The following TNNI3K variants were observed in gnomAD, a reference collection of about 807,000 sequenced individuals.
TNNI3K encodes serine/threonine-protein kinase TNNI3K.
A neutral mutation model predicts 114.5 loss-of-function variants in TNNI3K; 140 were observed. The ratio of observed to expected loss-of-function variants is 1.22; its 90% CI spans 1.07 to 1.41. The LOEUF (loss-of-function observed/expected upper bound fraction) is 1.41, where lower values mean the gene tolerates loss of function less well. Among genes scored for constraint, TNNI3K ranks in the 40% most tolerant of loss-of-function variants. TNNI3K has a pLI of 0.00. For missense variants in TNNI3K, 1,125 were observed against 1,007.6 expected (o/e 1.12, Z -1.58); for synonymous variants, 347 against 347.5 (o/e 1.00, Z 0.02).
intron 23 of TNNI3K, among the ~76,000 whole-genome samples, chr1:74,504,646 AT>A (rs746816449): frequency 2.7e-4 from 41 of 152,124 alleles, no homozygotes; most frequent in Non-Finnish European, 5.7e-4. Flanking sequence ...TTTAAAAAAA[AT>A]TTAAGTACCT....
At chr1:74,425,187 A>G (rs1665578405) in intron 17 of TNNI3K, among the ~76,000 whole-genome samples, 1 of 152,064 alleles carries the variant, frequency 6.6e-6, no homozygotes, top group Non-Finnish European at 1.5e-5. Flanking sequence ...GATTAGAGGG[A>G]TAAAGTGAAG....
At chr1:74,441,022 C>G (rs1417358320) in intron 20 of TNNI3K, among the ~76,000 whole-genome samples, 1 of 152,072 alleles carries the variant, frequency 6.6e-6, no homozygotes, top group Non-Finnish European at 1.5e-5. Flanking sequence ...CATCATCCAC[C>G]ACCATCGTAG....
intron 5 of TNNI3K, among the ~76,000 whole-genome samples, chr1:74,306,405 T>C (rs1658636123): frequency 2.6e-5 from 4 of 152,216 alleles, no homozygotes. Context: ...AGTAATGGGA[T>C]TGCTGGATCA....
chr1:74,450,978 A>C (rs577976860), intron 20 of TNNI3K, among the ~76,000 whole-genome samples: 1 of 152,354 alleles, frequency 6.6e-6, no homozygotes, highest in East Asian at 1.9e-4. Flanking sequence ...TATTCACAAT[A>C]GCAAAGAGAT....
chr1:74,385,655 A>G (rs192742259), intron 17 of TNNI3K, among the ~76,000 whole-genome samples: 23 of 152,264 alleles, frequency 1.5e-4, no homozygotes, highest in African/African-American at 5.1e-4. Context: ...ATGAATACAA[A>G]CCTGTATCAC....
intron 23 of TNNI3K, among the ~76,000 whole-genome samples, chr1:74,499,451 G>T (rs536153617): frequency 6.6e-6 from 1 of 152,130 alleles, no homozygotes; most frequent in Admixed American, 6.5e-5. Flanking sequence ...TTTTATTAAA[G>T]TATGTTGTTG....
chr1:74,421,587 G>A (rs1665398322), intron 17 of TNNI3K, among the ~76,000 whole-genome samples: 1 of 152,064 alleles, frequency 6.6e-6, no homozygotes. Context: ...ACTATAATAT[G>A]AATTAAATGC....
At chr1:74,467,475 A>G (rs1404207554) in intron 21 of TNNI3K, among the ~76,000 whole-genome samples, 2 of 151,852 alleles carry the variant, frequency 1.3e-5, no homozygotes, top group Non-Finnish European at 2.9e-5. Context: ...AAGATGGGAG[A>G]AGGTTGGAAA....
At chr1:74,318,429 G>A (rs1320554489) in intron 5 of TNNI3K, among the ~76,000 whole-genome samples, 1 of 152,172 alleles carries the variant, frequency 6.6e-6, no homozygotes, top group Non-Finnish European at 1.5e-5. Flanking sequence ...ATTCAATAAA[G>A]TTCAAGGTCT....
At chr1:74,296,752 T>G (rs1020757496) in intron 5 of TNNI3K, among the ~76,000 whole-genome samples, 7 of 152,326 alleles carry the variant, frequency 4.6e-5, no homozygotes, top group Admixed American at 2.0e-4. Context: ...TTTCATACTT[T>G]AAAGACACAA....
Position 74,249,530 on chromosome 1 carries a change from G to C in TNNI3K, c.221G>C (p.Cys74Ser). 1 of 1,613,306 alleles carries C rather than the reference G, an allele frequency of 6.2e-7. No individual in the cohort carries two copies. The highest frequency in any genetic ancestry group is 8.5e-7 in the Non-Finnish European group (1 of 1,179,660). The change falls in exon 3 of 25, where the codon TGT (cysteine) becomes TCT (serine). Residue 74 changes from cysteine to serine, a missense_variant. Cys to Ser is a moderately radical substitution (Grantham distance 112). Transcript: ENST00000326637. Reference protein sequence around the residue: ...TENGLSLLHLCCICGGKKSHI... With the variant: ...TENGLSLLHLSCICGGKKSHI... Reference sequence around the variant, plus strand: ...AATGGGCTGTCTCTACTTCATTTATGTTGCATTTGTGGAGGTGAGTACTTG... The same window carrying C: ...AATGGGCTGTCTCTACTTCATTTATCTTGCATTTGTGGAGGTGAGTACTTG...
intron 21 of TNNI3K, among the ~76,000 whole-genome samples, chr1:74,488,122 T>C (rs1462606121): frequency 2.0e-5 from 3 of 152,254 alleles, no homozygotes; most frequent in Admixed American, 1.3e-4. Flanking sequence ...TAAGCCAGTT[T>C]TTAAAATCCC....
chr1:74,381,424 C>A (rs998450784), intron 17 of TNNI3K, among the ~76,000 whole-genome samples: 10 of 152,110 alleles, frequency 6.6e-5, no homozygotes, highest in African/African-American at 2.4e-4. Flanking sequence ...TCGAAAGAAT[C>A]TTTTCACTAT....
chr1:74,493,551 A>T (rs1021376656), intron 23 of TNNI3K, among the ~76,000 whole-genome samples: 1 of 152,206 alleles, frequency 6.6e-6, no homozygotes, highest in African/African-American at 2.4e-5. Flanking sequence ...TATCTGTCAT[A>T]TAATGCTATA....
chr1:74,426,357 T>G (rs1665641179), intron 17 of TNNI3K, among the ~76,000 whole-genome samples: 1 of 152,066 alleles, frequency 6.6e-6, no homozygotes, highest in Admixed American at 6.6e-5. Context: ...AAGCCTCTGC[T>G]CGTCAGAGAT....
intron 5 of TNNI3K, among the ~76,000 whole-genome samples, chr1:74,273,304 T>C (rs1656469163): frequency 6.6e-6 from 1 of 151,978 alleles, no homozygotes; most frequent in South Asian, 2.1e-4. Flanking sequence ...ATAGGTGAGT[T>C]TGTGTTACTT....
intron 23 of TNNI3K, among the ~76,000 whole-genome samples, chr1:74,519,497 C>A (rs888890226): frequency 2.4e-5 from 3 of 125,346 alleles, no homozygotes; most frequent in African/African-American, 1.4e-4. Context: ...ACAGTCCCAC[C>A]AACAGTGTAA....
At chr1:74,405,022 A>G (rs1664549496) in intron 17 of TNNI3K, among the ~76,000 whole-genome samples, 1 of 152,212 alleles carries the variant, frequency 6.6e-6, no homozygotes, top group Non-Finnish European at 1.5e-5. Context: ...AAGAAAGACC[A>G]TTGAGTGAAC....
chr1:74,380,565 G>A (rs2100547381), intron 17 of TNNI3K, among the ~76,000 whole-genome samples: 1 of 152,206 alleles, frequency 6.6e-6, no homozygotes, highest in South Asian at 2.1e-4. Flanking sequence ...CCTGTAACTG[G>A]TGGTGAACTC....
Sources: allele counts gnomAD v4.1 joint callset (sites outside exome capture counted in the v4.1 genomes callset), GRCh38; gene constraint gnomAD v4.1.1; transcripts MANE v1.5; gene names NCBI Gene and HGNC (gene_info 2026-07-23, HGNC 2026-07-21).